MSN: variants seen among roughly 807,000 people sequenced by gnomAD.
MSN encodes moesin.
Under a neutral mutation model 48.0 loss-of-function variants are expected in MSN, and 2 were observed. That is an observed-to-expected ratio of 0.04 (90% CI 0.02 to 0.13). The LOEUF is 0.13. Ranked by LOEUF, MSN falls within the 10% of genes least tolerant of loss-of-function variation. MSN has a pLI of 1.00. For missense variants in MSN, 267 were observed against 470.1 expected (o/e 0.57, Z 3.99); for synonymous variants, 146 against 166.9 (o/e 0.87, Z 0.97).
chrX:65,630,419 A>C (rs1039614067), intron 1 of MSN, among the ~76,000 whole-genome samples: 16 of 110,414 alleles, frequency 1.4e-4, no homozygotes, highest in Non-Finnish European at 3.8e-5. Flanking sequence ...AAAATAAAAT[A>C]AAACAAAAAA....
chrX:65,670,925 T>TAC (rs1248407727), intron 1 of MSN, among the ~76,000 whole-genome samples: 1 of 56,692 alleles, frequency 1.8e-5, no homozygotes, highest in Non-Finnish European at 3.4e-5. Context: ...TATATATATA[T>TAC]ATATATATAT....
At chrX:65,623,884 T>C (rs1042372837) in intron 1 of MSN, among the ~76,000 whole-genome samples, 1 of 110,449 alleles carries the variant, frequency 9.1e-6, no homozygotes. Context: ...GTTGGGAGGT[T>C]TTTCACTGCT....
At chrX:65,589,426 G>A (rs1172391839) in intron 1 of MSN, among the ~76,000 whole-genome samples, 1 of 111,936 alleles carries the variant, frequency 8.9e-6, no homozygotes, top group Non-Finnish European at 1.9e-5. Flanking sequence ...GCTGGGCCCA[G>A]GAGAGACTGG....
intron 1 of MSN, among the ~76,000 whole-genome samples, chrX:65,714,599 C>T (rs2147497930): frequency 9.0e-6 from 1 of 111,435 alleles, no homozygotes; most frequent in East Asian, 2.8e-4. Context: ...GCTTCTTGGC[C>T]ACATGTATGT....
chrX:65,613,504 A>G (rs2070339767), intron 1 of MSN, among the ~76,000 whole-genome samples: 1 of 113,723 alleles, frequency 8.8e-6, no homozygotes, highest in Non-Finnish European at 1.9e-5. Flanking sequence ...GTGTAAAAGC[A>G]TTTCTATTTC....
chrX:65,704,112 A>G (rs970420841), intron 1 of MSN, among the ~76,000 whole-genome samples: 1 of 111,554 alleles, frequency 9.0e-6, no homozygotes, highest in African/African-American at 3.3e-5. Flanking sequence ...CAGGCAGCCA[A>G]AAATGGTCAG....
upstream of MSN, among the ~76,000 whole-genome samples, chrX:65,662,888 TGAC>T (rs1467459199): frequency 8.9e-6 from 1 of 112,221 alleles, no homozygotes; most frequent in Non-Finnish European, 1.9e-5. Context: ...ACTATTCAAC[TGAC>T]AAGGGCTTAA....
At chrX:65,624,367 T>A (rs2070483962) in intron 1 of MSN, among the ~76,000 whole-genome samples, 1 of 111,071 alleles carries the variant, frequency 9.0e-6, no homozygotes, top group Non-Finnish European at 1.9e-5. Flanking sequence ...CATGAGCCAC[T>A]GTGCCTGGCC....
At chrX:65,692,331 A>G (rs1475865688) in intron 1 of MSN, among the ~76,000 whole-genome samples, 1 of 112,531 alleles carries the variant, frequency 8.9e-6, no homozygotes, top group African/African-American at 3.2e-5. Context: ...TGAGAATGGA[A>G]TGAGCTTTTG....
chrX:65,692,804 T>C (rs771930354), intron 1 of MSN, among the ~76,000 whole-genome samples: 5 of 111,187 alleles, frequency 4.5e-5, no homozygotes, highest in South Asian at 3.8e-4. Context: ...CTCAGCCTCC[T>C]GAATAGCTGG....
intron 1 of MSN, among the ~76,000 whole-genome samples, chrX:65,606,461 T>A (rs1285675328): frequency 9.0e-6 from 1 of 110,785 alleles, no homozygotes; most frequent in African/African-American, 3.3e-5. Context: ...CTTGCTCTGT[T>A]CCCCAGACCG....
chrX:65,620,751 G>C (rs1164447338), intron 1 of MSN, among the ~76,000 whole-genome samples: 2 of 110,850 alleles, frequency 1.8e-5, no homozygotes, highest in Non-Finnish European at 3.8e-5. Context: ...GATGTTTTTT[G>C]ATACATAAAA....
chrX:65,676,711 C>T (rs1487746875), intron 1 of MSN, among the ~76,000 whole-genome samples: 1 of 112,004 alleles, frequency 8.9e-6, no homozygotes, highest in Non-Finnish European at 1.9e-5. Context: ...CCATTAAATA[C>T]CTGAGAAGGA....
At chrX:65,723,206 G>A (rs1419736846) in intron 2 of MSN, among the ~76,000 whole-genome samples, 1 of 111,757 alleles carries the variant, frequency 8.9e-6, no homozygotes, top group Non-Finnish European at 1.9e-5. Context: ...AAAGCTGTGA[G>A]ATGAATGTGG....
At chrX:65,646,713 A>G (rs1009796599) in intron 1 of MSN, among the ~76,000 whole-genome samples, 1 of 112,163 alleles carries the variant, frequency 8.9e-6, no homozygotes, top group East Asian at 2.8e-4. Context: ...TGGGAGGCCA[A>G]GGCGGGCTGA....
chrX:65,732,440 A>G (rs2071631906), intron 6 of MSN, among the ~76,000 whole-genome samples: 1 of 112,298 alleles, frequency 8.9e-6, no homozygotes, highest in Non-Finnish European at 1.9e-5. Flanking sequence ...CTACTAGAAA[A>G]CTTAAAATTA....
chrX:65,716,700 G>C (rs1412068264), intron 1 of MSN, 118 bp from the exon 2 acceptor site: 2 of 577,244 alleles, frequency 3.5e-6, no homozygotes, highest in Non-Finnish European at 5.8e-6. Flanking sequence ...CAGTATCTAA[G>C]TTGCCCAGGC....
At chrX:65,712,275 A>T (rs2071422149) in intron 1 of MSN, among the ~76,000 whole-genome samples, 1 of 110,733 alleles carries the variant, frequency 9.0e-6, no homozygotes, top group African/African-American at 3.3e-5. Context: ...CCTAAAATAG[A>T]TTTCCTCCTT....
At chrX:65,627,589 G>C (rs1239400589) in intron 1 of MSN, among the ~76,000 whole-genome samples, 1 of 111,178 alleles carries the variant, frequency 9.0e-6, no homozygotes, top group Non-Finnish European at 1.9e-5. Flanking sequence ...CCCATTGTGG[G>C]AATTCTAGGA....
Sources: gnomAD v4.1 joint callset for allele counts (sites outside exome capture counted in the v4.1 genomes callset) on GRCh38, gnomAD v4.1.1 for gene constraint, MANE v1.5 for transcripts, NCBI Gene and HGNC (gene_info 2026-07-23, HGNC 2026-07-21) for gene names.